The following AR variants were observed in gnomAD, a reference collection of about 807,000 sequenced individuals.
AR encodes dihydrotestosterone receptor.
A neutral mutation model predicts 53.9 loss-of-function variants in AR; 8 were observed. That is an observed-to-expected ratio of 0.15 (90% CI 0.09 to 0.27). The LOEUF (loss-of-function observed/expected upper bound fraction) is 0.27. Ranked by LOEUF, AR falls within the 10% of genes least tolerant of loss-of-function variation. The pLI is 1.00. For missense variants in AR, 639 were observed against 742.5 expected, an observed-to-expected ratio of 0.86 and a Z score of 1.62; for synonymous variants, 359 against 316.4, an observed-to-expected ratio of 1.13 and a Z score of -1.43.
intron 1 of AR, among the ~76,000 whole-genome samples, chrX:67,619,902 C>T (rs1247032298): frequency 3.6e-5 from 4 of 110,474 alleles, no homozygotes; most frequent in African/African-American, 1.3e-4. Flanking sequence ...GACACTTCTC[C>T]CAAGTGTTTA....
chrX:67,644,665 T>G (rs902845762), intron 2 of AR, among the ~76,000 whole-genome samples: 1 of 111,572 alleles, frequency 9.0e-6, no homozygotes, highest in African/African-American at 3.3e-5. Flanking sequence ...GAGTGTTGAT[T>G]CATCATTTTG....
intron 1 of AR, among the ~76,000 whole-genome samples, chrX:67,619,196 G>A (rs2147394601): frequency 9.0e-6 from 1 of 111,455 alleles, no homozygotes; most frequent in African/African-American, 3.3e-5. Context: ...AGGAGCCACA[G>A]AAGCAGATGT....
At chrX:67,662,021 T>C (rs1926950584) in intron 2 of AR, among the ~76,000 whole-genome samples, 1 of 112,037 alleles carries the variant, frequency 8.9e-6, no homozygotes, top group South Asian at 3.7e-4. Context: ...TGTACTTCTG[T>C]GGGATCGGTG....
intron 1 of AR, among the ~76,000 whole-genome samples, chrX:67,624,380 G>T (rs1198238736): frequency 8.9e-6 from 1 of 111,896 alleles, no homozygotes; most frequent in African/African-American, 3.2e-5. Context: ...AACTGGATTA[G>T]TAATTAAGAA....
intron 2 of AR, among the ~76,000 whole-genome samples, chrX:67,663,050 C>T (rs1249155133): frequency 1.8e-5 from 2 of 111,729 alleles, no homozygotes; most frequent in South Asian, 7.5e-4. Flanking sequence ...CTGAATACAG[C>T]ACACTGATGG....
intron 2 of AR, among the ~76,000 whole-genome samples, chrX:67,670,964 G>A (rs772461656): frequency 8.9e-6 from 1 of 111,749 alleles, no homozygotes; most frequent in African/African-American, 3.3e-5. Context: ...AGTATTCCAT[G>A]GTGTATATGT....
rs924829683 is a variant in AR, at chrX:67,712,933, C to A, written c.2173+1244C>A. Among the ~76,000 whole-genome samples the A allele has an allele frequency of 5.4e-5, 6 of 112,080 alleles. No homozygotes were observed. The South Asian group carries it at 2.2e-3, about 42-fold the overall frequency. The stretch of plus-strand genomic sequence containing the variant: ...TATAGGAATCCTATAACATGAGATT[C>A]TTTCTCTTATTTTACAGACCAAATA... On this transcript the variant is annotated intron_variant, in intron 4 of 7. Transcript: ENST00000374690.
At chrX:67,589,194 C>T (rs1457254267) in intron 1 of AR, among the ~76,000 whole-genome samples, 2 of 107,718 alleles carry the variant, frequency 1.9e-5, no homozygotes, top group Non-Finnish European at 3.8e-5. Context: ...ACCCGGGAAG[C>T]GGAGCTTGCA....
chrX:67,666,105 A>C (rs187333601), intron 2 of AR, among the ~76,000 whole-genome samples: 1 of 111,037 alleles, frequency 9.0e-6, no homozygotes, highest in Admixed American at 9.7e-5. Context: ...AAGATGTATA[A>C]TAAATTATTG....
chrX:67,726,283 T>C lies in AR; in HGVS notation c.*2442T>C, dbSNP rs1324738250. 4.0e-5 allele frequency: 7 copies of C among 173,546 alleles called. No individual in the cohort carries two copies. The highest frequency in any genetic ancestry group is 2.1e-4 in the African/African-American group (7 of 33,909). The allele number at this position is 173,546 out of a possible 1,213,427, so 14.3% of individuals were successfully genotyped here. ...CTTTATTATTACACAATCTGGCTCA[T>C]GTACAGGATCACTTTTAGCTGTTTT... On this transcript the variant is annotated 3_prime_UTR_variant, in exon 8 of 8. Coordinates refer to ENST00000374690, the MANE Select transcript of AR (RefSeq NM_000044.6).
rs777082377 is a variant in AR, at chrX:67,581,954, G to A, written c.1616+35192G>A. Among the ~76,000 whole-genome samples the A allele has an allele frequency of 2.7e-5, 3 of 111,310 alleles. No individual in the cohort carries two copies. The South Asian group carries it at 1.1e-3, about 42-fold the overall frequency. On this transcript the variant is annotated intron_variant, in intron 1 of 7. Transcript: ENST00000374690. ...AGTACCAGTACATGGCTTGCCTTGG[G>A]GTTTGGACTACCTATCTTAACTCCT... is the stretch of plus-strand genomic sequence containing the variant.
chrX:67,702,079 T>C (rs1408936229), intron 3 of AR, among the ~76,000 whole-genome samples: 9 of 111,393 alleles, frequency 8.1e-5, no homozygotes, highest in Admixed American at 7.7e-4. Flanking sequence ...GAAGATGAGG[T>C]TCAGATGATT....
chrX:67,646,534 G>A (rs758809678), intron 2 of AR, among the ~76,000 whole-genome samples: 1 of 110,340 alleles, frequency 9.1e-6, no homozygotes, highest in South Asian at 4.0e-4. Flanking sequence ...AGGCATGGAG[G>A]GAAATAGTTG....
intron 2 of AR, among the ~76,000 whole-genome samples, chrX:67,670,905 A>G (rs1266865051): frequency 9.0e-6 from 1 of 111,168 alleles, no homozygotes; most frequent in African/African-American, 3.3e-5. Flanking sequence ...TTCCAGCTTC[A>G]TCCATGTCCC....
chrX:67,659,422 G>T (rs1212633083), intron 2 of AR, among the ~76,000 whole-genome samples: 1 of 110,533 alleles, frequency 9.0e-6, no homozygotes, highest in Non-Finnish European at 1.9e-5. Flanking sequence ...CTGTGTCCAT[G>T]TGTTCTCATT....
chrX:67,686,854 G>A (rs1312762039), intron 3 of AR, among the ~76,000 whole-genome samples: 1 of 110,962 alleles, frequency 9.0e-6, no homozygotes, highest in Non-Finnish European at 1.9e-5. Context: ...TGTCTACCAT[G>A]AGTGTTGTCA....
chrX:67,657,147 A>T (rs1048412912), intron 2 of AR, among the ~76,000 whole-genome samples: 5 of 111,214 alleles, frequency 4.5e-5, no homozygotes, highest in Non-Finnish European at 9.4e-5. Flanking sequence ...AAATGAATTT[A>T]TTTCATTTTT....
intron 1 of AR, among the ~76,000 whole-genome samples, chrX:67,627,978 T>A (rs986686251): frequency 9.0e-6 from 1 of 111,608 alleles, no homozygotes; most frequent in African/African-American, 3.3e-5. Context: ...AGGGCTCTGT[T>A]CTGTTTCATT....
chrX:67,707,550 G>C lies in AR; in HGVS notation c.1886-3852G>C, dbSNP rs774792608. ...ATATGTGTCTCTGCACATGAGATGG[G>C]TTTCCTGAATACAGCACACTGATGG... is the stretch of plus-strand genomic sequence containing the variant. On this transcript the variant is annotated intron_variant, in intron 3 of 7. Coordinates refer to ENST00000374690, the MANE Select transcript of AR (RefSeq NM_000044.6). Among the ~76,000 whole-genome samples the C allele has an allele frequency of 7.2e-5, 8 of 111,603 alleles. No homozygotes were observed. The East Asian group carries it at 2.3e-3, about 31-fold the overall frequency.
Sources: allele counts gnomAD v4.1 joint callset (sites outside exome capture counted in the v4.1 genomes callset), GRCh38; gene constraint gnomAD v4.1.1; transcripts MANE v1.5; gene names NCBI Gene and HGNC (gene_info 2026-07-23, HGNC 2026-07-21).